Variants in KIF1B observed in about 807,000 individuals in gnomAD.
KIF1B encodes kinesin family member 1B.
KIF1B carries 76 observed loss-of-function variants against 241.9 expected under a neutral mutation model. The observed-to-expected ratio is 0.31, with a 90% CI of 0.26 to 0.38. The LOEUF (loss-of-function observed/expected upper bound fraction) is 0.38, where lower values mean the gene tolerates loss of function less well. KIF1B is among the 10% of genes least tolerant of loss of function. The probability of loss-of-function intolerance (pLI) is 1.00; values close to 1 mark genes in which losing one functional copy is unlikely to be tolerated. For synonymous variants in KIF1B, 750 were observed against 796.7 expected (o/e 0.94, Z 0.99); for missense variants, 1,622 against 2,271.4 (o/e 0.71, Z 5.81).
intron 1 of KIF1B, among the ~76,000 whole-genome samples, chr1:10,230,594 C>A (rs998569692): frequency 6.6e-6 from 1 of 151,990 alleles, no homozygotes; most frequent in African/African-American, 2.4e-5. Context: ...TGCCACCACA[C>A]CTGGTTAATT....
At chr1:10,278,218 TAAG>T (rs1320187371) in intron 13 of KIF1B, 90 bp downstream of exon 13, 39 of 1,366,824 alleles carry the variant, frequency 2.9e-5, no homozygotes, top group Non-Finnish European at 4.0e-5. Context: ...AACTTCAAGT[TAAG>T]GAGCATGATG....
At chr1:10,297,782 A>G (rs1303100814) in intron 22 of KIF1B, among the ~76,000 whole-genome samples, 1 of 151,166 alleles carries the variant, frequency 6.6e-6, no homozygotes, top group Non-Finnish European at 1.5e-5. Context: ...CCCTGCATGG[A>G]GTCTGAATTC....
chr1:10,375,383 TTTG>T lies in KIF1B; in HGVS notation c.5408+28_5408+30del, dbSNP rs371033478. ...TAGCTGGCACAATACGGTAAGAAGT[TTTG>T]TTGTTGTTGTTGTTGTTTTTGAGAC... is the stretch of plus-strand genomic sequence containing the variant. On this transcript the variant is annotated intron_variant, in intron 48 of 48. Transcript: ENST00000676179. 2.3e-4 allele frequency: 366 copies of T among 1,595,340 alleles called. 2 individuals are homozygous for T. The highest frequency in any genetic ancestry group is 5.5e-4 in the African/African-American group (41 of 74,564).
rs78768598 is a variant in KIF1B, at chr1:10,212,908, A to G, written c.-80+2030A>G. Among the ~76,000 whole-genome samples, 484 of 83,756 alleles carry G rather than the reference A, an allele frequency of 5.8e-3. 7 individuals carry two copies. The highest frequency in any genetic ancestry group is 0.013 in the African/African-American group (297 of 22,870). 54.9% of individuals were successfully genotyped at this position (83,756 alleles called of 152,430 possible). On this transcript the variant is annotated intron_variant, in intron 1 of 48. Coordinates refer to ENST00000676179, the MANE Select transcript of KIF1B (RefSeq NM_001365951.3). ...CGTGTGTGTATATATATATATATAT[A>G]TATATATATATATATATATATATAC... is the stretch of plus-strand genomic sequence containing the variant.
In KIF1B at chr1:10,365,733, G is replaced by A; in HGVS notation, c.4752+85G>A. ...CGGTTTATTCATTTTCAACACCTTT[G>A]TTCGAGGTGTTTGAAGGCCTGTGAT... On this transcript the variant is annotated intron_variant, in intron 43 of 48. Transcript: ENST00000676179. The surrounding 1 kb of genome is among the most constrained non-coding windows in gnomAD (Gnocchi z 4.0). The A allele has an allele frequency of 6.4e-7, 1 of 1,565,142 alleles. No homozygotes were observed. The highest frequency in any genetic ancestry group is 1.7e-4 in the Middle Eastern group (1 of 5,754).
intron 1 of KIF1B, among the ~76,000 whole-genome samples, chr1:10,227,400 T>A (rs1023099229): frequency 6.6e-6 from 1 of 152,234 alleles, no homozygotes; most frequent in Non-Finnish European, 1.5e-5. Context: ...CTTGGTTGAT[T>A]TATTCTGTAG....
chr1:10,275,507 T>G lies in KIF1B; in HGVS notation c.958+4T>G, dbSNP rs762856809. 6.8e-7 allele frequency: 1 copy of G among 1,462,296 alleles called. No homozygotes were observed. Among genetic ancestry groups the G allele is most frequent in the Admixed American group, 1.7e-5 (1 of 59,802 alleles). The allele number at this position is 1,462,296 out of a possible 1,614,324, so 90.6% of individuals were successfully genotyped here. ...TGGCTCCTTCGAGAAAATTTAGGTATGTTGACCACTAGTGAAAAGTAGTTA... is the reference window on the plus strand; with the variant it reads ...TGGCTCCTTCGAGAAAATTTAGGTAGGTTGACCACTAGTGAAAAGTAGTTA... On this transcript the variant is annotated splice_donor_region_variant and intron_variant, in intron 11 of 48. Transcript: ENST00000676179.
intron 14 of KIF1B, among the ~76,000 whole-genome samples, chr1:10,280,628 G>A (rs1459577620): frequency 2.0e-5 from 3 of 152,144 alleles, no homozygotes; most frequent in Admixed American, 1.3e-4. Context: ...CCTGGCTGTG[G>A]TTATGAGGTT....
intron 2 of KIF1B, among the ~76,000 whole-genome samples, chr1:10,234,698 A>G (rs1052740855): frequency 6.7e-4 from 100 of 148,162 alleles, no homozygotes; most frequent in African/African-American, 2.4e-3. Context: ...GTTTTTTTCT[A>G]TTTTCTGTAG....
At chr1:10,297,644 T>C (rs1650333605) in intron 22 of KIF1B, among the ~76,000 whole-genome samples, 1 of 152,212 alleles carries the variant, frequency 6.6e-6, no homozygotes, top group Non-Finnish European at 1.5e-5. Context: ...GATCACTTGA[T>C]AGTACTAATT....
chr1:10,360,889 G>C (rs749981502), intron 38 of KIF1B, 40 bp from the exon 39 acceptor site: 4 of 1,412,270 alleles, frequency 2.8e-6, no homozygotes, highest in Non-Finnish European at 2.0e-6. Context: ...CGTGACTTTA[G>C]CTTCTTTTGG....
chr1:10,220,396 A>ATGAT (rs1646827014), intron 1 of KIF1B, among the ~76,000 whole-genome samples: 1 of 123,222 alleles, frequency 8.1e-6, no homozygotes, highest in African/African-American at 3.1e-5. Context: ...AGATAGATAG[A>ATGAT]TGATAGATAG....
chr1:10,304,350 T>A, intron 22 of KIF1B: 1 of 1,614,192 alleles, frequency 6.2e-7, no homozygotes, highest in East Asian at 2.2e-5. Context: ...ATTCTCTCAA[T>A]AATGGCCAGC....
In KIF1B at chr1:10,363,970, A is replaced by G. The variant is rs554885350; in HGVS notation, c.4366+626A>G. On this transcript the variant is annotated intron_variant, in intron 41 of 48. Coordinates refer to ENST00000676179, the MANE Select transcript of KIF1B (RefSeq NM_001365951.3). ...AAAGAAGACTTTGAGTATGAATCCAAGTAGCACCTAATTATTATACTATCC... is the reference window on the plus strand; with the variant it reads ...AAAGAAGACTTTGAGTATGAATCCAGGTAGCACCTAATTATTATACTATCC... Among the ~76,000 whole-genome samples, 4 of 152,328 alleles carry G rather than the reference A, an allele frequency of 2.6e-5. No individual in the cohort carries two copies. The South Asian group carries it at 8.3e-4, about 32-fold the overall frequency.
chr1:10,290,386 C>G (rs558240974), intron 15 of KIF1B, among the ~76,000 whole-genome samples: 1 of 152,196 alleles, frequency 6.6e-6, no homozygotes, highest in Non-Finnish European at 1.5e-5. Context: ...AATAGTAAAC[C>G]TTTCTATGTT....
At chr1:10,231,078 G>A (rs1370249277) in intron 1 of KIF1B, 1 of 152,280 alleles carries the variant, frequency 6.6e-6, no homozygotes, top group African/African-American at 2.4e-5. Flanking sequence ...GGGCGTGGTG[G>A]CGTACGCCAG....
intron 22 of KIF1B, chr1:10,306,261 A>G: frequency 1.9e-6 from 2 of 1,043,050 alleles, no homozygotes; most frequent in Non-Finnish European, 2.3e-6. Flanking sequence ...ACATGGGTAA[A>G]TGATGTCTGT....
chr1:10,315,459 A>C (rs1651263138), intron 22 of KIF1B, among the ~76,000 whole-genome samples: 1 of 151,236 alleles, frequency 6.6e-6, no homozygotes, highest in Non-Finnish European at 1.5e-5. Context: ...TACAGGCATG[A>C]GCCACTGCAT....
At chr1:10,333,768 C>T (rs890774854) in intron 27 of KIF1B, among the ~76,000 whole-genome samples, 10 of 152,236 alleles carry the variant, frequency 6.6e-5, no homozygotes, top group Admixed American at 2.6e-4. Flanking sequence ...AACTGTATTT[C>T]GTCCCATTTC....
Sources: allele counts gnomAD v4.1 joint callset (sites outside exome capture counted in the v4.1 genomes callset), GRCh38; gene constraint gnomAD v4.1.1; non-coding constraint Gnocchi (gnomAD v3.1); transcripts MANE v1.5; gene names NCBI Gene and HGNC (gene_info 2026-07-23, HGNC 2026-07-21).